Variants in EMC3 observed in about 807,000 individuals in gnomAD.
EMC3 encodes the protein ER membrane protein complex subunit 3, also known as 30 kDa protein.
In EMC3, 13 loss-of-function variants were observed where a neutral mutation model predicts 36.6. That is an observed-to-expected ratio of 0.35 (90% CI 0.23 to 0.56). EMC3 has a LOEUF of 0.56. EMC3 is among the 20% of genes least tolerant of loss of function. EMC3 has a pLI of 0.84. For missense variants in EMC3, 220 were observed against 324.5 expected (o/e 0.68, Z 2.47); for synonymous variants, 120 against 111.9 (o/e 1.07, Z -0.46).
intron 1 of EMC3, among the ~76,000 whole-genome samples, chr3:9,978,843 A>AAAAC (rs113761005): frequency 1.6e-4 from 15 of 94,140 alleles, no homozygotes; most frequent in African/African-American, 3.9e-4. Flanking sequence ...ACAACAACAA[A>AAAAC]AAACAAACAA....
At chr3:9,980,482 T>C (rs1189446400) in intron 1 of EMC3, among the ~76,000 whole-genome samples, 1 of 151,730 alleles carries the variant, frequency 6.6e-6, no homozygotes, top group African/African-American at 2.4e-5. Flanking sequence ...CCTCCCATCT[T>C]AGTCTCCCGA....
chr3:9,963,905 G>A lies in EMC3; in HGVS notation c.*164C>T. On this transcript the variant is annotated 3_prime_UTR_variant, in exon 8 of 8. Coordinates refer to ENST00000245046, the MANE Select transcript of EMC3 (RefSeq NM_001394674.1). ...GCCCAGCATACTCCTATTTCCTCTA[G>A]TTTCAAACATAAAGGGGAACCCAGC... The A allele has an allele frequency of 8.7e-7, 1 of 1,153,096 alleles. No individual in the cohort carries two copies. The highest frequency in any genetic ancestry group is 1.2e-6 in the Non-Finnish European group (1 of 819,212). 71.4% of individuals were successfully genotyped at this position (1,153,096 alleles called of 1,614,324 possible). A position where few individuals can be genotyped will look rare whatever the true frequency, so the allele number is the denominator to read the frequency against.
chr3:9,989,408 T>G (rs188109820), upstream of EMC3, among the ~76,000 whole-genome samples: 1 of 152,086 alleles, frequency 6.6e-6, no homozygotes, highest in African/African-American at 2.4e-5. Context: ...AAAAAAAAAT[T>G]AGCCTGGCCT....
intron 1 of EMC3, chr3:10,003,155 TCTC>T: frequency 4.4e-6 from 2 of 456,296 alleles, no homozygotes; most frequent in Non-Finnish European, 4.4e-6. Context: ...CCTGTGGCCT[TCTC>T]CACCAAGAGC....
intron 1 of EMC3, chr3:10,004,207 A>G (rs930527572): frequency 3.3e-5 from 5 of 152,202 alleles, no homozygotes; most frequent in Non-Finnish European, 7.3e-5. Context: ...TAAAAGCCTC[A>G]TTAAAAAACT....
At chr3:10,009,592 C>G (rs2086302176) in intron 1 of EMC3, among the ~76,000 whole-genome samples, 3 of 152,320 alleles carry the variant, frequency 2.0e-5, no homozygotes, top group African/African-American at 7.2e-5. Context: ...CTGAGAGCTG[C>G]TCTTGCCATC....
chr3:9,974,313 T>G, intron 4 of EMC3, 71 bp downstream of exon 4: 1 of 1,009,212 alleles, frequency 9.9e-7, no homozygotes, highest in Non-Finnish European at 1.6e-6. Flanking sequence ...ACACAGGACC[T>G]GTGATATTAG....
At position 9,963,702 on chromosome 3, in the gene EMC3, T is replaced by G. The variant is rs1170942216; in HGVS notation, c.*367A>C. On this transcript the variant is annotated 3_prime_UTR_variant, in exon 8 of 8. Transcript: ENST00000245046. ...CATCTTGGCCAGGCTGATCTTGAAC[T>G]CCTGATCTCGTGACCCACCCGCCTC... 2 of 167,932 alleles carry G rather than the reference T, an allele frequency of 1.2e-5. No homozygotes were observed. Among genetic ancestry groups the G allele is most frequent in the East Asian group, 1.7e-4 (1 of 5,902 alleles). 10.4% of individuals were successfully genotyped at this position (167,932 alleles called of 1,614,324 possible). A position where few individuals can be genotyped will look rare whatever the true frequency, so the allele number is the denominator to read the frequency against.
chr3:9,989,675 T>C (rs1052411616), upstream of EMC3, among the ~76,000 whole-genome samples: 3 of 152,198 alleles, frequency 2.0e-5, no homozygotes, highest in Non-Finnish European at 2.9e-5. Context: ...ATCAAAGTAC[T>C]CCAAACACAC....
intron 5 of EMC3, among the ~76,000 whole-genome samples, chr3:9,971,925 G>A (rs2085789790): frequency 1.3e-5 from 2 of 152,128 alleles, no homozygotes; most frequent in Admixed American, 6.5e-5. Flanking sequence ...GTCTGGAGAG[G>A]CTACATGAAG....
upstream of EMC3, among the ~76,000 whole-genome samples, chr3:9,989,677 CA>C (rs2086022484): frequency 6.6e-6 from 1 of 152,120 alleles, no homozygotes; most frequent in Non-Finnish European, 1.5e-5. Flanking sequence ...CAAAGTACTC[CA>C]AACACACTGT....
chr3:9,990,151 A>G (rs1245247509), upstream of EMC3, among the ~76,000 whole-genome samples: 3 of 151,154 alleles, frequency 2.0e-5, no homozygotes, highest in Non-Finnish European at 4.4e-5. Context: ...CAGCCTCCCG[A>G]GTAGCTGGGA....
At chr3:9,986,934 G>T (rs1317980942), upstream of EMC3, 2 of 1,229,840 alleles carry the variant, frequency 1.6e-6, no homozygotes, top group Non-Finnish European at 2.1e-6. Context: ...ATCGGCGGTG[G>T]CCCAGGCTCG....
upstream of EMC3, chr3:9,987,118 G>C (rs373940365): frequency 3.5e-4 from 282 of 816,484 alleles, 8 homozygotes; most frequent in South Asian, 0.013. Flanking sequence ...GGAGGCTGAG[G>C]CAGGAGAATG....
At chr3:9,992,766 A>G (rs981987241) in intron 1 of EMC3, 19 of 734,962 alleles carry the variant, frequency 2.6e-5, no homozygotes, top group Admixed American at 1.3e-4. Flanking sequence ...GAGTGTGTGG[A>G]ACAAATGAGC....
At position 9,974,857 on chromosome 3, in the gene EMC3, G is replaced by A. The variant is rs1460083979; in HGVS notation, c.308-369C>T. On this transcript the variant is annotated intron_variant, in intron 3 of 7. Transcript: ENST00000245046. The stretch of plus-strand genomic sequence containing the variant: ...ACAGGCGGGAGCCACCGCACCCAGC[G>A]TTTTTTTTTTTTTTTTTTTTTGAGA... 1.4e-4 allele frequency among the ~76,000 whole-genome samples: 9 copies of A among 63,428 alleles called. No homozygotes were observed. In the East Asian group the frequency reaches 2.8e-3, roughly 20 times the overall value. 41.6% of individuals were successfully genotyped at this position (63,428 alleles called of 152,430 possible). A position where few individuals can be genotyped will look rare whatever the true frequency, so the allele number is the denominator to read the frequency against.
chr3:9,986,866 C>G, upstream of EMC3: 1 of 1,371,410 alleles, frequency 7.3e-7, no homozygotes, highest in Non-Finnish European at 9.4e-7. Context: ...GACGTCACGT[C>G]GTGGCGCACC....
chr3:10,009,651 C>T (rs73811807), intron 1 of EMC3, among the ~76,000 whole-genome samples: 2 of 152,238 alleles, frequency 1.3e-5, no homozygotes, highest in African/African-American at 2.4e-5. Context: ...AGGCGGGGCC[C>T]GTGGGGCGTT....
chr3:9,975,981 A>C (rs917823436), intron 3 of EMC3, among the ~76,000 whole-genome samples: 2 of 152,194 alleles, frequency 1.3e-5, no homozygotes, highest in African/African-American at 4.8e-5. Context: ...CTCTCAAAAA[A>C]AATTAATTAT....
Sources: allele counts gnomAD v4.1 joint callset (sites outside exome capture counted in the v4.1 genomes callset), GRCh38; gene constraint gnomAD v4.1.1; transcripts MANE v1.5; gene names NCBI Gene and HGNC (gene_info 2026-07-23, HGNC 2026-07-21).